SCAF8: variants seen among roughly 807,000 people sequenced by gnomAD.
SCAF8 encodes the protein SR-related CTD associated factor 8, also known as SR-related and CTD-associated factor 8.
In SCAF8, 23 loss-of-function variants were observed where a neutral mutation model predicts 140.5. The ratio of observed to expected loss-of-function variants is 0.16; its 90% CI spans 0.12 to 0.23. The LOEUF (loss-of-function observed/expected upper bound fraction) is 0.23. SCAF8 is among the 10% of genes least tolerant of loss of function. SCAF8 has a pLI of 1.00. For synonymous variants in SCAF8, 575 were observed against 528.9 expected (o/e 1.09, Z -1.20); for missense variants, 1,397 against 1,555.7 (o/e 0.90, Z 1.72).
chr6:154,814,174 A>G (rs187793627), intron 12 of SCAF8, among the ~76,000 whole-genome samples: 2 of 152,318 alleles, frequency 1.3e-5, no homozygotes, highest in Admixed American at 1.3e-4. Flanking sequence ...ATACAACAAA[A>G]ATTAGCTGAG....
chr6:154,796,353 T>TTCCCTCTCTC lies in SCAF8; in HGVS notation c.606+1216_606+1217insCCTCTCTCTC, dbSNP rs772760237. Among the ~76,000 whole-genome samples, 26 of 75,230 alleles carry TTCCCTCTCTC rather than the reference T, an allele frequency of 3.5e-4. 1 individual carries two copies. Among genetic ancestry groups the TTCCCTCTCTC allele is most frequent in the East Asian group, 2.2e-3 (2 of 890 alleles). 49.4% of individuals were successfully genotyped at this position (75,230 alleles called of 152,430 possible). On this transcript the variant is annotated intron_variant, in intron 6 of 19. Transcript: ENST00000367178. ...ATAATGATTCAGCATTGCAATCCTG[T>TTCCCTCTCTC]TCTCTCTCTCTCTCTCTCTCTCTCT... is the stretch of plus-strand genomic sequence containing the variant.
chr6:154,767,349 T>C (rs1294457617), intron 1 of SCAF8, among the ~76,000 whole-genome samples: 1 of 151,826 alleles, frequency 6.6e-6, no homozygotes, highest in Non-Finnish European at 1.5e-5. Context: ...TTGCCTCTCT[T>C]CCTTACCAGT....
chr6:154,753,502 A>G (rs9397201), intron 1 of SCAF8, among the ~76,000 whole-genome samples: 7,751 of 148,150 alleles, frequency 0.052, 558 homozygotes, highest in African/African-American at 0.17. Context: ...AGCTGGACAT[A>G]GTGGCGGGCG....
At chr6:154,794,104 A>G (rs1408054807) in intron 5 of SCAF8, among the ~76,000 whole-genome samples, 1 of 151,204 alleles carries the variant, frequency 6.6e-6, no homozygotes, top group Non-Finnish European at 1.5e-5. Flanking sequence ...TTTTGTTGTT[A>G]TTGTTGTTAG....
intron 1 of SCAF8, among the ~76,000 whole-genome samples, chr6:154,757,535 C>T (rs1309398934): frequency 2.0e-5 from 3 of 152,190 alleles, no homozygotes; most frequent in African/African-American, 7.2e-5. Flanking sequence ...ACCTTTGAAA[C>T]CTTATACTAA....
chr6:154,808,282 CT>C, intron 10 of SCAF8, 81 bp downstream of exon 10: 1 of 1,328,026 alleles, frequency 7.5e-7, no homozygotes, highest in Non-Finnish European at 1.1e-6. Context: ...TAGCAGTGCC[CT>C]GAATATATTT....
At chr6:154,755,349 G>A (rs546122815) in intron 1 of SCAF8, among the ~76,000 whole-genome samples, 82 of 152,214 alleles carry the variant, frequency 5.4e-4, no homozygotes, top group Admixed American at 5.9e-4. Flanking sequence ...CACCTCCTGG[G>A]TTCAAGCGAT....
At chr6:154,750,102 T>C (rs1179120436) in intron 1 of SCAF8, among the ~76,000 whole-genome samples, 2 of 135,022 alleles carry the variant, frequency 1.5e-5, no homozygotes, top group African/African-American at 5.4e-5. Flanking sequence ...TTGAGGAGAA[T>C]GATAATTTGG....
intron 5 of SCAF8, 80 bp downstream of exon 5, chr6:154,793,056 C>A: frequency 2.6e-6 from 3 of 1,166,096 alleles, no homozygotes; most frequent in South Asian, 2.3e-5. Context: ...AAAAATAATT[C>A]GACAGTGCAG....
chr6:154,757,025 A>G (rs995938348), intron 1 of SCAF8, among the ~76,000 whole-genome samples: 6 of 152,246 alleles, frequency 3.9e-5, no homozygotes, highest in Non-Finnish European at 5.9e-5. Context: ...CCCTGTCTCA[A>G]TAAATAAATA....
intron 1 of SCAF8, among the ~76,000 whole-genome samples, chr6:154,773,421 G>A (rs760810418): frequency 6.6e-6 from 1 of 152,096 alleles, no homozygotes; most frequent in Admixed American, 6.6e-5. Flanking sequence ...TCGTCGAATA[G>A]ATACATTTGT....
chr6:154,748,093 A>C (rs1033031139), intron 1 of SCAF8, among the ~76,000 whole-genome samples: 1 of 152,196 alleles, frequency 6.6e-6, no homozygotes, highest in Non-Finnish European at 1.5e-5. Flanking sequence ...ATTGCTTTCT[A>C]TCTCTTCCTT....
At chr6:154,770,972 T>G (rs1232971146) in intron 1 of SCAF8, among the ~76,000 whole-genome samples, 1 of 152,182 alleles carries the variant, frequency 6.6e-6, no homozygotes, top group Non-Finnish European at 1.5e-5. Flanking sequence ...CTCACACTCC[T>G]GGCCTCAAGT....
intron 14 of SCAF8, among the ~76,000 whole-genome samples, chr6:154,819,516 A>G (rs1275932770): frequency 6.6e-6 from 1 of 152,122 alleles, no homozygotes; most frequent in Non-Finnish European, 1.5e-5. Context: ...TTTTGAGCCC[A>G]TGAAGTCAAG....
intron 1 of SCAF8, among the ~76,000 whole-genome samples, chr6:154,747,674 CA>C (rs1562424323): frequency 6.6e-6 from 1 of 152,092 alleles, no homozygotes; most frequent in Non-Finnish European, 1.5e-5. Flanking sequence ...TATAATCGAG[CA>C]GAACAGTATA....
intron 12 of SCAF8, 71 bp downstream of exon 12, chr6:154,810,279 T>C: frequency 8.7e-7 from 1 of 1,144,508 alleles, no homozygotes; most frequent in East Asian, 2.6e-5. Flanking sequence ...CTACAAAGTC[T>C]CTCAGCCAAA....
At position 154,832,905 on chromosome 6, in the gene SCAF8, T is replaced by A; in HGVS notation, c.3326T>A (p.Val1109Asp). The change falls in exon 20 of 20, where the codon GTC (valine) becomes GAC (aspartate). Residue 1109 changes from valine to aspartate, a missense_variant. Transcript: ENST00000367178. ...GAGAGAGAGCATCGGGTTCTACCGG[T>A]CTATGGTGGTCCAAAAGGCTTACAT... Reference protein sequence around the residue: ...FDEREHRVLPVYGGPKGLHEE... With the variant: ...FDEREHRVLPDYGGPKGLHEE... 1 of 1,614,086 alleles carries A rather than the reference T, an allele frequency of 6.2e-7. No homozygotes were observed. Among genetic ancestry groups the A allele is most frequent in the South Asian group, 1.1e-5 (1 of 91,072 alleles).
At chr6:154,766,292 A>G (rs1267607959) in intron 1 of SCAF8, among the ~76,000 whole-genome samples, 2 of 152,128 alleles carry the variant, frequency 1.3e-5, no homozygotes, top group Non-Finnish European at 2.9e-5. Context: ...CACTCAGTGT[A>G]ACTTTACAGA....
At chr6:154,798,926 A>G (rs1436802629) in intron 6 of SCAF8, among the ~76,000 whole-genome samples, 2 of 151,268 alleles carry the variant, frequency 1.3e-5, no homozygotes, top group Non-Finnish European at 1.5e-5. Context: ...CAGCCTCCCA[A>G]GTAGCTGGGA....
Sources: allele counts gnomAD v4.1 joint callset (sites outside exome capture counted in the v4.1 genomes callset), GRCh38; gene constraint gnomAD v4.1.1; transcripts MANE v1.5; gene names NCBI Gene and HGNC (gene_info 2026-07-23, HGNC 2026-07-21).